The following MYLK4 variants were observed in gnomAD, a reference collection of about 807,000 sequenced individuals.
The protein encoded by MYLK4 is caMLCK like.
Under a neutral mutation model 48.1 loss-of-function variants are expected in MYLK4, and 46 were observed. That is an observed-to-expected ratio of 0.96 (90% confidence interval 0.75 to 1.22). MYLK4 has a LOEUF of 1.22. Ranked by LOEUF, MYLK4 falls within the 50% of genes most tolerant of loss-of-function variation. The pLI, the probability that MYLK4 is intolerant of heterozygous loss-of-function variation, is 0.00. For missense variants in MYLK4, 451 were observed against 486.1 expected, an observed-to-expected ratio of 0.93 and a Z score of 0.68; for synonymous variants, 170 against 180.8, an observed-to-expected ratio of 0.94 and a Z score of 0.48.
In MYLK4 at chr6:2,671,160, G is replaced by A. The variant is rs1324496; in HGVS notation, c.*25+116C>T. On this transcript the variant is annotated intron_variant, in intron 12 of 12. Coordinates refer to ENST00000274643, the MANE Select transcript of MYLK4 (RefSeq NM_001012418.5). Reference sequence around the variant, plus strand: ...GCAGTCTGATTTCAGGGCCCTCCACGCCAGCCAAAACGCTGCTCTTCTTCC... The same window carrying A: ...GCAGTCTGATTTCAGGGCCCTCCACACCAGCCAAAACGCTGCTCTTCTTCC... 290,633 of 707,472 alleles carry A rather than the reference G, an allele frequency of 0.41. 65,392 individuals are homozygous for A. The highest frequency in any genetic ancestry group is 0.89 in the East Asian group (32,177 of 36,256). The allele number at this position is 707,472 out of a possible 1,614,324, so 43.8% of individuals were successfully genotyped here. A position where few individuals can be genotyped will look rare whatever the true frequency, so the allele number is the denominator to read the frequency against.
chr6:2,692,252 C>A (rs937114693), intron 3 of MYLK4, among the ~76,000 whole-genome samples: 2 of 152,160 alleles, frequency 1.3e-5, no homozygotes, highest in African/African-American at 4.8e-5. Flanking sequence ...TCTATATTCT[C>A]TCTTGGATTT....
intron 7 of MYLK4, among the ~76,000 whole-genome samples, chr6:2,680,795 G>A (rs1180571075): frequency 6.6e-6 from 1 of 152,178 alleles, no homozygotes; most frequent in African/African-American, 2.4e-5. Flanking sequence ...CAACGCCTAT[G>A]GGAAAGTCGC....
At chr6:2,768,616 G>C in the MYLK4 span, 1 of 1,308,902 alleles carries the variant, frequency 7.6e-7, no homozygotes, top group Non-Finnish European at 1.0e-6. Context: ...GATGCTGCGT[G>C]TGGTGGTTCC....
intron 11 of MYLK4, among the ~76,000 whole-genome samples, chr6:2,674,015 G>A (rs1299506312): frequency 2.0e-5 from 3 of 152,242 alleles, no homozygotes; most frequent in African/African-American, 7.2e-5. Context: ...GGTGAGGCAA[G>A]GGGCAGGGAG....
At chr6:2,751,311 C>A (rs192387588), upstream of MYLK4, among the ~76,000 whole-genome samples, 2 of 152,308 alleles carry the variant, frequency 1.3e-5, no homozygotes, top group East Asian at 3.9e-4. Flanking sequence ...TGAGCATATC[C>A]AACTGCAATA....
At chr6:2,718,179 C>CAAA (rs10590230) in intron 2 of MYLK4, among the ~76,000 whole-genome samples, 4 of 133,290 alleles carry the variant, frequency 3.0e-5, no homozygotes, top group African/African-American at 8.4e-5. Context: ...AACTCTGTCT[C>CAAA]AAAAAAAAAA....
the MYLK4 span, among the ~76,000 whole-genome samples, chr6:2,758,459 A>C: frequency 6.6e-6 from 1 of 151,888 alleles, no homozygotes; most frequent in East Asian, 1.9e-4. Context: ...TAAAAGATAT[A>C]TGTATCTTTT....
chr6:2,725,603 GAAACAAAC>G lies in MYLK4; in HGVS notation c.159+23525_159+23532del, dbSNP rs369948027. Reference sequence around the variant, plus strand: ...AAAGAAAGAGAAAGAAAGAAAGAAAGAAACAAACAAACAAACAAAGAAGGAAAGAAAGA... The same window carrying G: ...AAAGAAAGAGAAAGAAAGAAAGAAAGAAACAAACAAAGAAGGAAAGAAAGA... On this transcript the variant is annotated intron_variant, in intron 2 of 12. Transcript: ENST00000274643. Among the ~76,000 whole-genome samples, 319 of 145,226 alleles carry G rather than the reference GAAACAAAC, an allele frequency of 2.2e-3. 7 individuals carry two copies. The highest frequency in any genetic ancestry group is 7.6e-3 in the African/African-American group (291 of 38,338).
intron 7 of MYLK4, among the ~76,000 whole-genome samples, chr6:2,682,426 G>A (rs746133175): frequency 1.1e-4 from 16 of 152,152 alleles, no homozygotes; most frequent in East Asian, 3.8e-4. Context: ...AAAGAAAGGC[G>A]GCTTGGCTTC....
intron 2 of MYLK4, among the ~76,000 whole-genome samples, chr6:2,726,605 A>ATTTTTTTTTTTTTTTTTTTTTTTTTT (rs70995390): frequency 8.5e-6 from 1 of 118,282 alleles, no homozygotes; most frequent in Non-Finnish European, 1.8e-5. Context: ...CTACTATACA[A>ATTTTTTTTTTTTTTTTTTTTTTTTTT]TTTTTTTTTT....
chr6:2,678,980 G>A (rs1356626830), intron 9 of MYLK4, among the ~76,000 whole-genome samples: 4 of 152,134 alleles, frequency 2.6e-5, no homozygotes, highest in Non-Finnish European at 5.9e-5. Context: ...GGGATTACAG[G>A]CTTGAGCCAC....
chr6:2,727,155 C>T (rs910199055), intron 2 of MYLK4, among the ~76,000 whole-genome samples: 1 of 152,180 alleles, frequency 6.6e-6, no homozygotes, highest in African/African-American at 2.4e-5. Flanking sequence ...TCTGGTCTCA[C>T]TGTCAGTTTT....
chr6:2,727,207 A>C (rs1763307816), intron 2 of MYLK4, among the ~76,000 whole-genome samples: 1 of 152,182 alleles, frequency 6.6e-6, no homozygotes, highest in African/African-American at 2.4e-5. Flanking sequence ...AAGTCAATCA[A>C]AGCCTGCTCC....
intron 2 of MYLK4, among the ~76,000 whole-genome samples, chr6:2,714,808 C>T (rs931658102): frequency 6.6e-6 from 1 of 152,224 alleles, no homozygotes; most frequent in Non-Finnish European, 1.5e-5. Flanking sequence ...ATCCCTGCTA[C>T]AACATGGATG....
upstream of MYLK4, among the ~76,000 whole-genome samples, chr6:2,753,185 C>G (rs1764338174): frequency 6.6e-6 from 1 of 152,130 alleles, no homozygotes; most frequent in South Asian, 2.1e-4. Flanking sequence ...AAAAGAATCC[C>G]TTGATTTTTT....
rs917201556 is a variant in MYLK4 at position 2,673,005 on chromosome 6, TAA to T, written c.1120-1659_1120-1658del. On this transcript the variant is annotated intron_variant, in intron 11 of 12. Coordinates refer to ENST00000274643, the MANE Select transcript of MYLK4 (RefSeq NM_001012418.5). The surrounding 1 kb of genome is among the most constrained non-coding windows in gnomAD (Gnocchi z 4.2). ...TTATAAAATGAAATTTATTTTTCAT[TAA>T]AAAAAACCCATCATCACTCTTGAAC... Among the ~76,000 whole-genome samples, 30 of 152,184 alleles carry T rather than the reference TAA, an allele frequency of 2.0e-4. No individual in the cohort carries two copies. The East Asian group carries it at 2.9e-3, about 15-fold the overall frequency.
intron 2 of MYLK4, among the ~76,000 whole-genome samples, chr6:2,695,972 T>C (rs2113193065): frequency 6.6e-6 from 1 of 152,362 alleles, no homozygotes; most frequent in East Asian, 1.9e-4. Flanking sequence ...ACCATGTCAG[T>C]GACTATATTC....
At chr6:2,768,760 A>T in the MYLK4 span, 14 of 1,614,058 alleles carry the variant, frequency 8.7e-6, no homozygotes, top group Non-Finnish European at 1.2e-5. Flanking sequence ...ATTATCTGCA[A>T]CAAATGCCAA....
intron 2 of MYLK4, among the ~76,000 whole-genome samples, chr6:2,705,190 A>T (rs1762440652): frequency 6.6e-6 from 1 of 152,122 alleles, no homozygotes; most frequent in Non-Finnish European, 1.5e-5. Flanking sequence ...TAGTGTTTTT[A>T]GTTCTTCCCC....
Sources: gnomAD v4.1 joint callset for allele counts (sites outside exome capture counted in the v4.1 genomes callset) on GRCh38, gnomAD v4.1.1 for gene constraint, Gnocchi (gnomAD v3.1) non-coding constraint, MANE v1.5 for transcripts, NCBI Gene and HGNC (gene_info 2026-07-23, HGNC 2026-07-21) for gene names.